Variants in GRM3 observed in about 807,000 individuals in gnomAD.
GRM3 encodes the protein glutamate metabotropic receptor 3.
A neutral mutation model predicts 70.5 loss-of-function variants in GRM3; 26 were observed. That is an observed-to-expected ratio of 0.37 (90% CI 0.27 to 0.51). The LOEUF is 0.51. Among genes scored for constraint, GRM3 ranks in the 20% least tolerant of loss-of-function variants. The probability of loss-of-function intolerance (pLI) is 0.93; values close to 1 mark genes in which losing one functional copy is unlikely to be tolerated. For synonymous variants in GRM3, 443 were observed against 434.9 expected, an observed-to-expected ratio of 1.02 and a Z score of -0.23; for missense variants, 859 against 1,123.8, an observed-to-expected ratio of 0.76 and a Z score of 3.37.
chr7:86,774,479 C>T (rs1042847042), intron 2 of GRM3, among the ~76,000 whole-genome samples: 2 of 151,978 alleles, frequency 1.3e-5, no homozygotes, highest in Non-Finnish European at 2.9e-5. Context: ...TGTGGAAATC[C>T]CTTTGTTACT....
intron 1 of GRM3, among the ~76,000 whole-genome samples, chr7:86,754,555 T>C (rs1435892673): frequency 2.0e-5 from 3 of 152,088 alleles, no homozygotes; most frequent in Non-Finnish European, 2.9e-5. Context: ...CCATCTGAGA[T>C]GGCATCTATA....
At chr7:86,731,426 C>A (rs913742679) in intron 1 of GRM3, among the ~76,000 whole-genome samples, 2 of 152,124 alleles carry the variant, frequency 1.3e-5, no homozygotes, top group East Asian at 3.9e-4. Context: ...CATGTCCCTG[C>A]AAAACTACAT....
chr7:86,795,301 T>TTATTTTATTTTATTG (rs1258122798), intron 3 of GRM3, among the ~76,000 whole-genome samples: 2 of 150,810 alleles, frequency 1.3e-5, no homozygotes. Context: ...TTATTTTATT[T>TTATTTTATTTTATTG]TATTTTATTT....
At chr7:86,751,544 C>A (rs1171397247) in intron 1 of GRM3, among the ~76,000 whole-genome samples, 1 of 152,104 alleles carries the variant, frequency 6.6e-6, no homozygotes, top group Non-Finnish European at 1.5e-5. Context: ...ATTTCATTCA[C>A]TTTTCAGAAA....
At chr7:86,658,458 G>A (rs889342707) in intron 1 of GRM3, among the ~76,000 whole-genome samples, 2 of 151,900 alleles carry the variant, frequency 1.3e-5, no homozygotes, top group Admixed American at 6.6e-5. Context: ...ACCCCTTCAG[G>A]GCTCAGTTTA....
chr7:86,837,180 C>A (rs1045133603), intron 3 of GRM3, among the ~76,000 whole-genome samples: 2 of 152,204 alleles, frequency 1.3e-5, no homozygotes, highest in African/African-American at 4.8e-5. Context: ...TTATTATAAA[C>A]TACCCAGCCC....
At chr7:86,791,014 A>C (rs1797401701) in intron 3 of GRM3, among the ~76,000 whole-genome samples, 1 of 152,196 alleles carries the variant, frequency 6.6e-6, no homozygotes, top group South Asian at 2.1e-4. Context: ...CTAGAATATA[A>C]GCTCCACAAA....
At chr7:86,755,146 T>C (rs1258600365) in intron 1 of GRM3, among the ~76,000 whole-genome samples, 1 of 151,978 alleles carries the variant, frequency 6.6e-6, no homozygotes, top group African/African-American at 2.4e-5. Flanking sequence ...TTCACCTCAC[T>C]TTAGAAGCAT....
Position 86,816,983 on chromosome 7 carries a change from A to G in GRM3, c.1325-21856A>G, listed in dbSNP as rs1029137635. On this transcript the variant is annotated intron_variant, in intron 3 of 5. Transcript: ENST00000361669. The stretch of plus-strand genomic sequence containing the variant: ...ACAGAACAGAACCCTGAGGTTCTCC[A>G]TATTTAGAAGTAAGAGCAAGAAATT... Among the ~76,000 whole-genome samples the G allele has an allele frequency of 3.3e-5, 5 of 152,064 alleles. 1 individual carries two copies. The highest frequency in any genetic ancestry group is 4.1e-4 in the South Asian group (2 of 4,824).
intron 1 of GRM3, among the ~76,000 whole-genome samples, chr7:86,720,103 T>C (rs781502826): frequency 6.6e-6 from 1 of 151,836 alleles, no homozygotes; most frequent in Non-Finnish European, 1.5e-5. Context: ...AAAGGAGAGA[T>C]GATGGTGGTC....
chr7:86,834,997 C>G (rs946906102), intron 3 of GRM3, among the ~76,000 whole-genome samples: 13 of 151,868 alleles, frequency 8.6e-5, no homozygotes, highest in African/African-American at 2.9e-4. Context: ...ATTACTATAC[C>G]TGAAAATATA....
intron 1 of GRM3, among the ~76,000 whole-genome samples, chr7:86,737,696 A>C (rs1360692969): frequency 6.6e-6 from 1 of 152,210 alleles, no homozygotes; most frequent in African/African-American, 2.4e-5. Flanking sequence ...TTGGACACAT[A>C]TCTCTGGAAA....
intron 1 of GRM3, among the ~76,000 whole-genome samples, chr7:86,677,478 A>T (rs1794334521): frequency 6.6e-6 from 1 of 152,022 alleles, no homozygotes; most frequent in Non-Finnish European, 1.5e-5. Context: ...GCTGAGGTCA[A>T]GCATATTTGG....
intron 1 of GRM3, among the ~76,000 whole-genome samples, chr7:86,703,324 C>T (rs1265841924): frequency 2.0e-5 from 3 of 152,072 alleles, no homozygotes; most frequent in East Asian, 1.9e-4. Flanking sequence ...GGTGGGGGAA[C>T]CTCCGCTGTA....
In GRM3 at chr7:86,834,294, C is replaced by A. The variant is rs894064295; in HGVS notation, c.1325-4545C>A. ...CTCTCCATTTTCTCTTTCTGGAACT[C>A]TTGTTGGTTACATGTTGAAATTCCA... On this transcript the variant is annotated intron_variant, in intron 3 of 5. Coordinates refer to ENST00000361669, the MANE Select transcript of GRM3 (RefSeq NM_000840.3). Among the ~76,000 whole-genome samples, 4 of 152,256 alleles carry A rather than the reference C, an allele frequency of 2.6e-5. No individual in the cohort carries two copies. The East Asian group carries it at 7.7e-4, about 29-fold the overall frequency.
chr7:86,787,900 A>C (rs949711067), intron 3 of GRM3, among the ~76,000 whole-genome samples: 5 of 152,366 alleles, frequency 3.3e-5, no homozygotes, highest in Admixed American at 3.3e-4. Flanking sequence ...ATTGCATTGA[A>C]TGCATTACTA....
At chr7:86,825,049 G>A (rs1219949760) in intron 3 of GRM3, among the ~76,000 whole-genome samples, 1 of 152,086 alleles carries the variant, frequency 6.6e-6, no homozygotes, top group Non-Finnish European at 1.5e-5. Flanking sequence ...TAGAAATTAT[G>A]GGACAGAGGA....
At chr7:86,751,610 C>T (rs1198967468) in intron 1 of GRM3, among the ~76,000 whole-genome samples, 1 of 152,086 alleles carries the variant, frequency 6.6e-6, no homozygotes, top group Non-Finnish European at 1.5e-5. Flanking sequence ...GGAACTCACT[C>T]TTCACCTTTC....
chr7:86,722,700 C>T (rs1275864609), intron 1 of GRM3, among the ~76,000 whole-genome samples: 3 of 151,896 alleles, frequency 2.0e-5, no homozygotes, highest in East Asian at 1.9e-4. Flanking sequence ...CACCTGTACA[C>T]CTATGTAACC....
Sources: allele counts gnomAD v4.1 joint callset (sites outside exome capture counted in the v4.1 genomes callset), GRCh38; gene constraint gnomAD v4.1.1; transcripts MANE v1.5; gene names NCBI Gene and HGNC (gene_info 2026-07-23, HGNC 2026-07-21).